The following C10orf67 variants were observed in gnomAD, a reference collection of about 807,000 sequenced individuals.
C10orf67 encodes the protein chromosome 10 open reading frame 67, also known as uncharacterized protein C10orf67, mitochondrial.
In C10orf67, 60 loss-of-function variants were observed where a neutral mutation model predicts 35.6. The observed-to-expected ratio is 1.68, with a 90% CI of 1.37 to 2.09. The LOEUF is 2.09. Among genes scored for constraint, C10orf67 ranks in the 30% most tolerant of loss-of-function variants. The probability of loss-of-function intolerance (pLI) is 0.00; values close to 1 mark genes in which losing one functional copy is unlikely to be tolerated. For synonymous variants in C10orf67, 167 were observed against 115.8 expected, an observed-to-expected ratio of 1.44 and a Z score of -2.84; for missense variants, 474 against 330.2, an observed-to-expected ratio of 1.44 and a Z score of -3.38.
At position 23,283,110 on chromosome 10, in the gene C10orf67, T is replaced by C. The variant is rs1347851963; in HGVS notation, c.910-1032A>G. Among the ~76,000 whole-genome samples the C allele has an allele frequency of 5.3e-5, 8 of 152,310 alleles. No homozygotes were observed. The East Asian group carries it at 1.5e-3, about 29-fold the overall frequency. On this transcript the variant is annotated intron_variant, in intron 7 of 15. Transcript: ENST00000636213. ...AAGGATAAATGCTTGAGGTGATGCATACCCCACTTACCCTCATGTGATTAT... is the reference window on the plus strand; with the variant it reads ...AAGGATAAATGCTTGAGGTGATGCACACCCCACTTACCCTCATGTGATTAT...
chr10:23,278,938 T>A (rs539330228), intron 8 of C10orf67, among the ~76,000 whole-genome samples: 132 of 152,332 alleles, frequency 8.7e-4, no homozygotes, highest in African/African-American at 3.0e-3. Context: ...AAGGTTTGCC[T>A]TCTAGCTCTT....
chr10:23,320,677 T>G, intron 4 of C10orf67, 64 bp downstream of exon 4: 1 of 1,278,184 alleles, frequency 7.8e-7, no homozygotes, highest in South Asian at 1.3e-5. Context: ...TGATCCCCAC[T>G]CCTTGCACAC....
intron 7 of C10orf67, among the ~76,000 whole-genome samples, chr10:23,284,861 C>T (rs1298202617): frequency 6.6e-6 from 1 of 152,190 alleles, no homozygotes; most frequent in Non-Finnish European, 1.5e-5. Flanking sequence ...CTTATAGTCC[C>T]TATCTCACTG....
intron 15 of C10orf67, among the ~76,000 whole-genome samples, chr10:23,222,876 G>A (rs12264916): frequency 4.6e-5 from 7 of 152,210 alleles, no homozygotes; most frequent in African/African-American, 1.7e-4. Flanking sequence ...AGGTTGCCCA[G>A]GCTGGTCTAG....
chr10:23,305,976 C>CAT (rs927485292), intron 4 of C10orf67, among the ~76,000 whole-genome samples: 3 of 151,878 alleles, frequency 2.0e-5, no homozygotes, highest in African/African-American at 7.3e-5. Context: ...CGCACACACA[C>CAT]ACACACACAC....
chr10:23,267,126 T>C (rs1333546722), intron 9 of C10orf67, 69 bp downstream of exon 9: 1 of 678,360 alleles, frequency 1.5e-6, no homozygotes, highest in African/African-American at 1.8e-5. Context: ...GATTTGTCAA[T>C]TCAGATACCA....
downstream of C10orf67, chr10:23,202,652 C>A (rs1176721426): frequency 1.3e-5 from 2 of 152,232 alleles, no homozygotes; most frequent in East Asian, 3.8e-4. Context: ...TTCTCCCAAC[C>A]TGAAATTGGC....
chr10:23,327,121 T>C (rs1475490687), intron 2 of C10orf67, among the ~76,000 whole-genome samples: 1 of 151,782 alleles, frequency 6.6e-6, no homozygotes, highest in Admixed American at 6.6e-5. Context: ...AAAGATAAAA[T>C]AGTTAATTAT....
intron 2 of C10orf67, among the ~76,000 whole-genome samples, chr10:23,332,796 A>T (rs1042287576): frequency 1.3e-5 from 2 of 152,238 alleles, no homozygotes; most frequent in African/African-American, 4.8e-5. Context: ...TTAAAGTGTC[A>T]TAAATAGAAA....
At chr10:23,205,001 A>G (rs969965709) in intron 15 of C10orf67, among the ~76,000 whole-genome samples, 4 of 152,228 alleles carry the variant, frequency 2.6e-5, no homozygotes, top group Admixed American at 2.0e-4. Context: ...GTAGGTGTCA[A>G]TGTGGACACT....
chr10:23,305,710 C>G (rs1322088437), intron 4 of C10orf67, among the ~76,000 whole-genome samples: 3 of 151,958 alleles, frequency 2.0e-5, no homozygotes, highest in African/African-American at 7.3e-5. Context: ...AAAAGGCAAC[C>G]CTTGTGCACT....
chr10:23,329,797 C>CAAA lies in C10orf67; in HGVS notation c.327+3262_327+3264dup, dbSNP rs398013008. On this transcript the variant is annotated intron_variant, in intron 2 of 15. Transcript: ENST00000636213. The stretch of plus-strand genomic sequence containing the variant: ...TGGGCAACAGAACAAGAACTTGTCT[C>CAAA]AAAAAAAAAAAAAAAAAAAGAAAAG... 1.2e-3 allele frequency among the ~76,000 whole-genome samples: 60 copies of CAAA among 48,066 alleles called. 3 individuals are homozygous for CAAA. The East Asian group carries it at 0.014, about 11-fold the overall frequency. The allele number at this position is 48,066 out of a possible 152,430, so 31.5% of individuals were successfully genotyped here. A position where few individuals can be genotyped will look rare whatever the true frequency, so the allele number is the denominator to read the frequency against.
chr10:23,228,172 C>T (rs955894389), intron 13 of C10orf67, among the ~76,000 whole-genome samples: 5 of 152,166 alleles, frequency 3.3e-5, no homozygotes, highest in Admixed American at 1.3e-4. Context: ...AGGCATCACA[C>T]TACCTGACTT....
chr10:23,222,305 A>G (rs186828811), intron 15 of C10orf67, among the ~76,000 whole-genome samples: 91 of 152,296 alleles, frequency 6.0e-4, no homozygotes, highest in Admixed American at 1.1e-3. Context: ...GGGAAAGTCA[A>G]TTTTCAAGGC....
At chr10:23,243,827 C>A (rs1454917287) in intron 12 of C10orf67, among the ~76,000 whole-genome samples, 2 of 152,036 alleles carry the variant, frequency 1.3e-5, no homozygotes, top group Admixed American at 1.3e-4. Context: ...GTACTCTGAG[C>A]ACAAGAGAAT....
At chr10:23,207,212 G>A (rs1841183439) in intron 15 of C10orf67, among the ~76,000 whole-genome samples, 1 of 150,430 alleles carries the variant, frequency 6.6e-6, no homozygotes, top group Non-Finnish European at 1.5e-5. Context: ...AAATAATTTA[G>A]GGACTATCAC....
chr10:23,334,491 C>T (rs538979340), intron 1 of C10orf67, among the ~76,000 whole-genome samples: 39 of 152,356 alleles, frequency 2.6e-4, no homozygotes, highest in African/African-American at 7.0e-4. Flanking sequence ...CTTCTGCTGA[C>T]GAGAGCATAC....
chr10:23,249,131 C>CAAAAAAAAAAAAAAAAAAAA (rs57702096), intron 12 of C10orf67, among the ~76,000 whole-genome samples: 1 of 21,548 alleles, frequency 4.6e-5, no homozygotes, highest in African/African-American at 1.3e-4. Flanking sequence ...AACTCCCTCT[C>CAAAAAAAAAAAAAAAAAAAA]AAAAAAAAAA....
intron 12 of C10orf67, among the ~76,000 whole-genome samples, chr10:23,242,708 C>T (rs554635842): frequency 4.0e-5 from 6 of 150,990 alleles, no homozygotes; most frequent in African/African-American, 7.3e-5. Flanking sequence ...CTGCAATAAG[C>T]TAAGAATAAA....
Sources: gnomAD v4.1 joint callset for allele counts (sites outside exome capture counted in the v4.1 genomes callset) on GRCh38, gnomAD v4.1.1 for gene constraint, MANE v1.5 for transcripts, NCBI Gene and HGNC (gene_info 2026-07-23, HGNC 2026-07-21) for gene names.